Variants in ART3 observed in about 807,000 individuals in gnomAD.
ART3 encodes ecto-ADP-ribosyltransferase 3.
A neutral mutation model predicts 48.5 loss-of-function variants in ART3; 49 were observed. That is an observed-to-expected ratio of 1.01 (90% CI 0.80 to 1.28). ART3 has a LOEUF of 1.28. Among genes scored for constraint, ART3 ranks in the 50% most tolerant of loss-of-function variants. The pLI, the probability that ART3 is intolerant of heterozygous loss-of-function variation, is 0.00. For missense variants in ART3, 438 were observed against 454.3 expected (o/e 0.96, Z 0.33); for synonymous variants, 145 against 157.2 (o/e 0.92, Z 0.58).
intron 1 of ART3, among the ~76,000 whole-genome samples, chr4:76,063,870 A>G (rs904006522): frequency 5.9e-5 from 9 of 152,222 alleles, no homozygotes; most frequent in Non-Finnish European, 1.3e-4. Flanking sequence ...AGAATTATAT[A>G]CTAGCCAACT....
At chr4:76,067,880 G>A (rs1291546908) in intron 1 of ART3, among the ~76,000 whole-genome samples, 1 of 152,178 alleles carries the variant, frequency 6.6e-6, no homozygotes, top group Admixed American at 6.5e-5. Context: ...CGAGGTATCT[G>A]ATCCTGCTTG....
intron 1 of ART3, among the ~76,000 whole-genome samples, chr4:76,056,759 C>G (rs1391979988): frequency 6.6e-6 from 1 of 152,106 alleles, no homozygotes; most frequent in Non-Finnish European, 1.5e-5. Context: ...TCTAGGCTAG[C>G]CTGCTAAAAT....
intron 2 of ART3, among the ~76,000 whole-genome samples, chr4:76,080,599 C>T (rs1029848375): frequency 2.0e-5 from 3 of 152,140 alleles, no homozygotes; most frequent in Non-Finnish European, 2.9e-5. Context: ...CAACCTCCGC[C>T]TTCTGGTTTC....
At chr4:76,107,874 T>A (rs1728777366) in intron 11 of ART3, 81 bp downstream of exon 11, 3 of 1,199,098 alleles carry the variant, frequency 2.5e-6, no homozygotes, top group Admixed American at 2.7e-5. Context: ...TTTTCCTCAA[T>A]AAAGGGAACA....
At chr4:76,034,331 A>G in intron 1 of ART3, 1 of 399,820 alleles carries the variant, frequency 2.5e-6, no homozygotes, top group East Asian at 3.6e-5. Flanking sequence ...GTAACCACAG[A>G]TAGTAATATA....
intron 9 of ART3, chr4:76,104,283 G>C (rs1296921423): frequency 1.1e-6 from 1 of 910,038 alleles, no homozygotes. Context: ...TTATTCAATA[G>C]AAACCTACCT....
At chr4:76,094,220 G>A (rs1411510294) in intron 3 of ART3, among the ~76,000 whole-genome samples, 1 of 152,142 alleles carries the variant, frequency 6.6e-6, no homozygotes, top group Non-Finnish European at 1.5e-5. Context: ...ATCCAGTCAG[G>A]GTATTTTGTG....
chr4:76,070,448 A>G (rs532868903), upstream of ART3, among the ~76,000 whole-genome samples: 1 of 152,252 alleles, frequency 6.6e-6, no homozygotes, highest in Non-Finnish European at 1.5e-5. Context: ...ATCGTTTTCT[A>G]CTTGTTTGTC....
At chr4:76,095,366 G>A (rs1246209963) in intron 3 of ART3, among the ~76,000 whole-genome samples, 2 of 152,108 alleles carry the variant, frequency 1.3e-5, no homozygotes, top group African/African-American at 4.8e-5. Context: ...AAATTAGCTG[G>A]ATGTGGTGGT....
At chr4:76,051,969 C>A (rs1209855971) in intron 1 of ART3, among the ~76,000 whole-genome samples, 1 of 138,838 alleles carries the variant, frequency 7.2e-6, no homozygotes, top group Admixed American at 8.5e-5. Context: ...AGTGCAATGG[C>A]GCAATCTCAG....
chr4:76,045,828 T>C (rs1018695168), intron 1 of ART3, among the ~76,000 whole-genome samples: 3 of 152,030 alleles, frequency 2.0e-5, no homozygotes, highest in Non-Finnish European at 4.4e-5. Context: ...CAAAAGCCAG[T>C]AATTCCAAGG....
intron 1 of ART3, among the ~76,000 whole-genome samples, chr4:76,040,095 C>T (rs970191324): frequency 6.6e-6 from 1 of 152,162 alleles, no homozygotes; most frequent in Non-Finnish European, 1.5e-5. Context: ...GAGACCGAGG[C>T]AGGCGGATCA....
At chr4:76,109,631 A>G (rs1729105862) in intron 11 of ART3, among the ~76,000 whole-genome samples, 1 of 152,196 alleles carries the variant, frequency 6.6e-6, no homozygotes. Context: ...AGGTTTATTT[A>G]CACCATCATC....
intron 11 of ART3, among the ~76,000 whole-genome samples, chr4:76,111,130 G>A (rs566350019): frequency 2.4e-4 from 37 of 152,164 alleles, no homozygotes; most frequent in African/African-American, 7.7e-4. Flanking sequence ...CAAATGTTTC[G>A]AGTATCCTCT....
chr4:76,058,493 A>G (rs1718893209), intron 1 of ART3: 2 of 152,154 alleles, frequency 1.3e-5, no homozygotes, highest in African/African-American at 4.8e-5. Flanking sequence ...AAATGCATAT[A>G]TTGACAGTTA....
At chr4:76,060,492 G>C (rs1442724614) in intron 1 of ART3, among the ~76,000 whole-genome samples, 1 of 152,020 alleles carries the variant, frequency 6.6e-6, no homozygotes, top group Non-Finnish European at 1.5e-5. Flanking sequence ...CTCTCTATCT[G>C]CAAGCCTACA....
chr4:76,014,280 A>G (rs1469146019), intron 1 of ART3, among the ~76,000 whole-genome samples: 2 of 152,314 alleles, frequency 1.3e-5, no homozygotes, highest in African/African-American at 4.8e-5. Flanking sequence ...TCAAAGAACT[A>G]AAGGAAATCA....
At chr4:76,047,547 C>T (rs1268138993) in intron 1 of ART3, among the ~76,000 whole-genome samples, 5 of 151,870 alleles carry the variant, frequency 3.3e-5, no homozygotes, top group Non-Finnish European at 7.4e-5. Flanking sequence ...TGAGTTATGG[C>T]GGATATCATT....
intron 3 of ART3, among the ~76,000 whole-genome samples, chr4:76,092,189 C>T (rs1725051510): frequency 6.6e-6 from 1 of 152,066 alleles, no homozygotes; most frequent in South Asian, 2.1e-4. Context: ...ATTTATAGAT[C>T]AATATGAGAA....
Sources: allele counts gnomAD v4.1 joint callset (sites outside exome capture counted in the v4.1 genomes callset), GRCh38; gene constraint gnomAD v4.1.1; transcripts MANE v1.5; gene names NCBI Gene and HGNC (gene_info 2026-07-23, HGNC 2026-07-21).